Variants in COPG2 observed in about 807,000 individuals in gnomAD.
COPG2 encodes coat protein complex I subunit gamma 2.
In COPG2, 37 loss-of-function variants were observed where a neutral mutation model predicts 46.3. The ratio of observed to expected loss-of-function variants is 0.80; its 90% CI spans 0.61 to 1.05. COPG2 has a LOEUF of 1.05. COPG2 is among the 50% of genes least tolerant of loss of function. COPG2 has a pLI of 0.00. For missense variants in COPG2, 427 were observed against 387.8 expected (o/e 1.10, Z -0.85); for synonymous variants, 159 against 129.7 (o/e 1.23, Z -1.53).
At chr7:130,553,513 G>A (rs1793567464) in intron 14 of COPG2, among the ~76,000 whole-genome samples, 1 of 152,152 alleles carries the variant, frequency 6.6e-6, no homozygotes. Flanking sequence ...AGAACAGATA[G>A]GGGCTGTAAG....
rs59572019 is a variant in COPG2, at chr7:130,651,494, A to ATT, written c.323+1373_323+1374dup. ...ACCAATGCCTGGCTAATTTTTTTGTATTTTTTTTTTTTTTTTTTTTTTTTT... is the reference window on the plus strand; with the variant it reads ...ACCAATGCCTGGCTAATTTTTTTGTATTTTTTTTTTTTTTTTTTTTTTTTTTT... On this transcript the variant is annotated intron_variant, in intron 5 of 23. Coordinates refer to ENST00000425248, the MANE Select transcript of COPG2 (RefSeq NM_012133.6). Among the ~76,000 whole-genome samples the ATT allele has an allele frequency of 1.8e-3, 103 of 57,242 alleles. 5 individuals carry two copies. Among genetic ancestry groups the ATT allele is most frequent in the African/African-American group, 2.8e-3 (39 of 14,110 alleles). The allele number at this position is 57,242 out of a possible 152,430, so 37.6% of individuals were successfully genotyped here. A position where few individuals can be genotyped will look rare whatever the true frequency, so the allele number is the denominator to read the frequency against.
At chr7:130,664,273 T>C (rs552483106) in intron 3 of COPG2, among the ~76,000 whole-genome samples, 2 of 152,328 alleles carry the variant, frequency 1.3e-5, no homozygotes, top group South Asian at 4.1e-4. Context: ...CTTCAATCTA[T>C]TTGCCATAGG....
chr7:130,585,175 C>T (rs2116447758), intron 9 of COPG2, among the ~76,000 whole-genome samples: 1 of 152,074 alleles, frequency 6.6e-6, no homozygotes, highest in East Asian at 1.9e-4. Context: ...TACTTACAGC[C>T]AACTGATCTT....
At chr7:130,620,794 G>C (rs1347125523) in intron 5 of COPG2, among the ~76,000 whole-genome samples, 1 of 152,134 alleles carries the variant, frequency 6.6e-6, no homozygotes. Flanking sequence ...AATGCAATGG[G>C]TTTAGATTTT....
chr7:130,535,928 A>C (rs1350680448), intron 20 of COPG2, among the ~76,000 whole-genome samples: 3 of 152,106 alleles, frequency 2.0e-5, no homozygotes, highest in Non-Finnish European at 4.4e-5. Flanking sequence ...GGTTTCTGGG[A>C]AACAAACAGG....
intron 9 of COPG2, among the ~76,000 whole-genome samples, chr7:130,595,823 CA>C (rs1794517307): frequency 6.6e-6 from 1 of 152,156 alleles, no homozygotes; most frequent in Admixed American, 6.5e-5. Flanking sequence ...TCCAGCCTAC[CA>C]GTATCATCTT....
chr7:130,632,853 T>C (rs1441305694), intron 5 of COPG2, among the ~76,000 whole-genome samples: 1 of 152,134 alleles, frequency 6.6e-6, no homozygotes, highest in East Asian at 1.9e-4. Flanking sequence ...CATCAACCTG[T>C]CATCTACATT....
intron 5 of COPG2, among the ~76,000 whole-genome samples, chr7:130,643,294 C>CAA (rs556885605): frequency 1.7e-5 from 2 of 118,642 alleles, no homozygotes; most frequent in Admixed American, 9.0e-5. Context: ...GACTGTGTCT[C>CAA]AAAAAAAAAA....
intron 9 of COPG2, chr7:130,604,741 C>T (rs1554450967): frequency 1.9e-6 from 1 of 516,026 alleles, no homozygotes; most frequent in Non-Finnish European, 3.9e-6. Flanking sequence ...TTTTGTCTGT[C>T]TCATTCACAA....
At chr7:130,621,943 CAAAAAA>C (rs562107230) in intron 5 of COPG2, among the ~76,000 whole-genome samples, 2 of 67,538 alleles carry the variant, frequency 3.0e-5, no homozygotes, top group African/African-American at 9.7e-5. Flanking sequence ...GACTCCATCT[CAAAAAA>C]AAAAAAAAAA....
chr7:130,612,128 G>T, intron 8 of COPG2, 24 bp downstream of exon 8: 1 of 1,507,634 alleles, frequency 6.6e-7, no homozygotes. Context: ...CCTGAGACAA[G>T]CTAATGTGAT....
chr7:130,518,433 T>C (rs1008596933), intron 20 of COPG2, among the ~76,000 whole-genome samples: 3 of 152,260 alleles, frequency 2.0e-5, no homozygotes, highest in East Asian at 3.9e-4. Flanking sequence ...CTGGAGAGCA[T>C]GGGCAAGTGG....
intron 9 of COPG2, among the ~76,000 whole-genome samples, chr7:130,579,307 T>C (rs1237133167): frequency 2.7e-5 from 4 of 148,054 alleles, no homozygotes; most frequent in Non-Finnish European, 6.0e-5. Flanking sequence ...CTGAGAGATT[T>C]TGTCACCACC....
intron 9 of COPG2, among the ~76,000 whole-genome samples, chr7:130,583,648 A>G (rs1794203450): frequency 6.6e-6 from 1 of 150,458 alleles, no homozygotes; most frequent in Non-Finnish European, 1.5e-5. Flanking sequence ...CTACTAAAAT[A>G]CAAAAAATTA....
rs1796159629 is a variant in COPG2 at position 130,668,690 on chromosome 7, C to G, written c.-22G>C. 4.6e-6 allele frequency: 7 copies of G among 1,527,078 alleles called. No homozygotes were observed. Among genetic ancestry groups the G allele is most frequent in the Non-Finnish European group, 6.1e-6 (7 of 1,138,370 alleles). 94.6% of individuals were successfully genotyped at this position (1,527,078 alleles called of 1,614,324 possible). A position where few individuals can be genotyped will look rare whatever the true frequency, so the allele number is the denominator to read the frequency against. ...TCATCTTGGACGACTTCCCAGCGCC[C>G]AGACCCACCGCAACCGTCCCAGGCG... On this transcript the variant is annotated 5_prime_UTR_variant, in exon 1 of 24. Coordinates refer to ENST00000425248, the MANE Select transcript of COPG2 (RefSeq NM_012133.6).
intron 20 of COPG2, chr7:130,510,108 G>C: frequency 1.9e-6 from 1 of 520,150 alleles, no homozygotes; most frequent in Non-Finnish European, 3.8e-6. Flanking sequence ...AGGCAGTCAA[G>C]AGATTGAAAG....
intron 5 of COPG2, among the ~76,000 whole-genome samples, chr7:130,620,965 T>C (rs1795029238): frequency 6.6e-6 from 1 of 152,172 alleles, no homozygotes; most frequent in African/African-American, 2.4e-5. Context: ...AAAAGGTACT[T>C]TGCAGATGTG....
At position 130,554,562 on chromosome 7, in the gene COPG2, C is replaced by T. The variant is rs1469096582; in HGVS notation, c.1387G>A (p.Gly463Ser). The change falls in exon 14 of 24, where the codon GGC (glycine) becomes AGC (serine). Residue 463 changes from glycine to serine, a missense_variant. By Grantham distance (56) the Gly-to-Ser change is moderately conservative (BLOSUM62 0). Coordinates refer to ENST00000425248, the MANE Select transcript of COPG2 (RefSeq NM_012133.6). ...TTGGAGGGGACAGGCGTTCTAGGGC[C>T]CTCTTTGCCCAACAAGTGTAGAATC... ...TKILHLLGKE[G>S]PRTPVPSKYI... 2.5e-6 allele frequency: 1 copy of T among 398,396 alleles called. No homozygotes were observed. Among genetic ancestry groups the T allele is most frequent in the Non-Finnish European group, 4.4e-6 (1 of 226,068 alleles). 24.7% of individuals were successfully genotyped at this position (398,396 alleles called of 1,614,324 possible). A position where few individuals can be genotyped will look rare whatever the true frequency, so the allele number is the denominator to read the frequency against.
chr7:130,573,027 T>A (rs188401264), intron 9 of COPG2, among the ~76,000 whole-genome samples: 10 of 151,814 alleles, frequency 6.6e-5, no homozygotes, highest in Admixed American at 2.0e-4. Context: ...AGGGAACACA[T>A]CACTACTGAC....
Sources: gnomAD v4.1 joint callset for allele counts (sites outside exome capture counted in the v4.1 genomes callset) on GRCh38, gnomAD v4.1.1 for gene constraint, MANE v1.5 for transcripts, NCBI Gene and HGNC (gene_info 2026-07-23, HGNC 2026-07-21) for gene names.